KIAA0825: variants seen among roughly 807,000 people sequenced by gnomAD.
KIAA0825 encodes uncharacterized protein KIAA0825.
KIAA0825 carries 119 observed loss-of-function variants against 147.6 expected under a neutral mutation model. That is an observed-to-expected ratio of 0.81 (90% CI 0.69 to 0.94). The LOEUF (loss-of-function observed/expected upper bound fraction) is 0.94, where lower values mean the gene tolerates loss of function less well. Ranked by LOEUF, KIAA0825 falls within the 40% of genes least tolerant of loss-of-function variation. The pLI is 0.00. For synonymous variants in KIAA0825, 470 were observed against 518.1 expected, an observed-to-expected ratio of 0.91 and a Z score of 1.26; for missense variants, 1,381 against 1,472.7, an observed-to-expected ratio of 0.94 and a Z score of 1.02.
In KIAA0825 at chr5:94,281,332, A is replaced by T. The variant is rs186599715; in HGVS notation, c.3710+103036T>A. ...GTGGCATGAATGAAAAGTACAAAAA[A>T]AAATTTCCTCCAATCTAATTGTCTC... is the stretch of plus-strand genomic sequence containing the variant. On this transcript the variant is annotated intron_variant, in intron 20 of 20. Coordinates refer to ENST00000682413, the MANE Select transcript of KIAA0825 (RefSeq NM_001145678.3). 1.4e-3 allele frequency among the ~76,000 whole-genome samples: 216 copies of T among 152,224 alleles called. 1 individual carries two copies. The highest frequency in any genetic ancestry group is 4.8e-3 in the African/African-American group (200 of 41,552).
At chr5:94,491,900 G>A (rs772228689) in intron 5 of KIAA0825, among the ~76,000 whole-genome samples, 3 of 152,112 alleles carry the variant, frequency 2.0e-5, no homozygotes, top group Admixed American at 6.6e-5. Context: ...TATCTATGAA[G>A]TTAAGTGAAA....
At chr5:94,155,589 T>C (rs1766972570) in intron 20 of KIAA0825, among the ~76,000 whole-genome samples, 1 of 152,120 alleles carries the variant, frequency 6.6e-6, no homozygotes, top group Admixed American at 6.6e-5. Context: ...GGCAGTCATA[T>C]ATATGAGAGG....
intron 2 of KIAA0825, among the ~76,000 whole-genome samples, chr5:94,544,913 G>A (rs946726985): frequency 3.3e-5 from 5 of 152,044 alleles, no homozygotes; most frequent in East Asian, 1.9e-4. Flanking sequence ...GTAAAGTTAC[G>A]TGGCTTTAAC....
chr5:94,217,801 T>C (rs138371540), intron 20 of KIAA0825, among the ~76,000 whole-genome samples: 76 of 152,306 alleles, frequency 5.0e-4, no homozygotes, highest in African/African-American at 1.6e-3. Flanking sequence ...GAGAAGTATA[T>C]AATACTAAGG....
intron 2 of KIAA0825, among the ~76,000 whole-genome samples, chr5:94,565,071 TC>T: frequency 7.0e-6 from 1 of 141,932 alleles, no homozygotes; most frequent in Non-Finnish European, 1.5e-5. Context: ...TTCCTGTCTC[TC>T]TTTCTCTCTC....
intron 10 of KIAA0825, among the ~76,000 whole-genome samples, chr5:94,469,372 A>G (rs570308723): frequency 1.3e-5 from 2 of 152,148 alleles, no homozygotes; most frequent in Non-Finnish European, 2.9e-5. Flanking sequence ...GGGTTTCACC[A>G]TGTTGGCCAG....
At chr5:94,237,372 T>C (rs569980749) in intron 20 of KIAA0825, among the ~76,000 whole-genome samples, 1 of 152,230 alleles carries the variant, frequency 6.6e-6, no homozygotes, top group African/African-American at 2.4e-5. Flanking sequence ...TCTGAGACTC[T>C]TGGGATGTCA....
chr5:94,385,648 C>T (rs915527149), intron 19 of KIAA0825, among the ~76,000 whole-genome samples: 6 of 152,110 alleles, frequency 3.9e-5, no homozygotes, highest in Admixed American at 6.5e-5. Flanking sequence ...CTGAAACATG[C>T]GGCTTAGACG....
chr5:94,258,498 C>T (rs1776347465), intron 20 of KIAA0825, among the ~76,000 whole-genome samples: 1 of 151,920 alleles, frequency 6.6e-6, no homozygotes. Context: ...ACATTGTTAA[C>T]AATGGATATT....
chr5:94,159,799 G>C (rs1424825886), intron 20 of KIAA0825, among the ~76,000 whole-genome samples: 1 of 151,968 alleles, frequency 6.6e-6, no homozygotes. Flanking sequence ...TATTTCTCCT[G>C]CGATAACCAA....
intron 20 of KIAA0825, among the ~76,000 whole-genome samples, chr5:94,169,565 GAAA>G: frequency 1.2e-5 from 1 of 86,652 alleles, no homozygotes; most frequent in Admixed American, 1.4e-4. Flanking sequence ...CTGGGTGACA[GAAA>G]AAAAAAAAAA....
chr5:94,538,901 T>A (rs946912701), intron 2 of KIAA0825, among the ~76,000 whole-genome samples: 1 of 152,106 alleles, frequency 6.6e-6, no homozygotes, highest in Admixed American at 6.5e-5. Context: ...CAAGAGTACA[T>A]TACAGCTACA....
At chr5:94,566,698 A>G (rs1264179862) in intron 2 of KIAA0825, among the ~76,000 whole-genome samples, 2 of 152,210 alleles carry the variant, frequency 1.3e-5, no homozygotes, top group Non-Finnish European at 2.9e-5. Flanking sequence ...TAAATTGTTC[A>G]TACCATGAAT....
chr5:94,195,872 TCATGGATA>T (rs1268586529), intron 20 of KIAA0825, among the ~76,000 whole-genome samples: 3 of 152,134 alleles, frequency 2.0e-5, no homozygotes, highest in African/African-American at 7.2e-5. Flanking sequence ...GTAACCTTAC[TCATGGATA>T]CATTAAGTGA....
rs147809009 is a variant in KIAA0825, at chr5:94,571,474, C to T, written c.-2+10959G>A. Among the ~76,000 whole-genome samples, 160 of 152,330 alleles carry T rather than the reference C, an allele frequency of 1.1e-3. 1 individual carries two copies. Among genetic ancestry groups the T allele is most frequent in the Admixed American group, 3.3e-3 (51 of 15,288 alleles). ...TTAACAGCTATTGTTTCACTTTTCACACATGCACAAGAAAACTTGAAACTA... is the reference window on the plus strand; with the variant it reads ...TTAACAGCTATTGTTTCACTTTTCATACATGCACAAGAAAACTTGAAACTA... On this transcript the variant is annotated intron_variant, in intron 2 of 20. Coordinates refer to ENST00000682413, the MANE Select transcript of KIAA0825 (RefSeq NM_001145678.3).
chr5:94,161,160 C>T (rs895018729), intron 20 of KIAA0825, among the ~76,000 whole-genome samples: 4 of 152,136 alleles, frequency 2.6e-5, no homozygotes, highest in South Asian at 2.1e-4. Flanking sequence ...CTGGACAGTG[C>T]GATAATCTCC....
chr5:94,246,841 C>G (rs1160941783), intron 20 of KIAA0825, among the ~76,000 whole-genome samples: 1 of 152,156 alleles, frequency 6.6e-6, no homozygotes, highest in Non-Finnish European at 1.5e-5. Context: ...ACTGCAAAGT[C>G]CATGCTCCTT....
At chr5:94,414,629 C>A (rs144340529) in intron 15 of KIAA0825, 6 of 152,188 alleles carry the variant, frequency 3.9e-5, no homozygotes, top group African/African-American at 1.4e-4. Context: ...TTACTGAATT[C>A]GTATGTTCAT....
intron 6 of KIAA0825, among the ~76,000 whole-genome samples, chr5:94,484,401 A>G (rs907641338): frequency 1.3e-5 from 2 of 151,790 alleles, no homozygotes; most frequent in African/African-American, 4.8e-5. Context: ...TAAGGAGACT[A>G]TATGTTCTGC....
Sources: gnomAD v4.1 joint callset for allele counts (sites outside exome capture counted in the v4.1 genomes callset) on GRCh38, gnomAD v4.1.1 for gene constraint, MANE v1.5 for transcripts, NCBI Gene and HGNC (gene_info 2026-07-23, HGNC 2026-07-21) for gene names.